DUSP14: variants seen among roughly 807,000 people sequenced by gnomAD.
DUSP14 encodes dual specificity phosphatase 14.
A neutral mutation model predicts 13.2 loss-of-function variants in DUSP14; 5 were observed. The observed-to-expected ratio is 0.38, with a 90% CI of 0.20 to 0.80. The LOEUF is 0.80. DUSP14 is among the 30% of genes least tolerant of loss of function. The pLI is 0.44. For missense variants in DUSP14, 185 were observed against 264.0 expected, an observed-to-expected ratio of 0.70 and a Z score of 2.07; for synonymous variants, 91 against 103.4, an observed-to-expected ratio of 0.88 and a Z score of 0.73.
chr17:37,500,465 T>C (rs2054097724), intron 1 of DUSP14, among the ~76,000 whole-genome samples: 1 of 152,220 alleles, frequency 6.6e-6, no homozygotes, highest in Non-Finnish European at 1.5e-5. Flanking sequence ...ACTGAAATCT[T>C]ATTTATGAAA....
intron 1 of DUSP14, among the ~76,000 whole-genome samples, chr17:37,494,078 C>T (rs1310552766): frequency 6.6e-6 from 1 of 151,402 alleles, no homozygotes; most frequent in Non-Finnish European, 1.5e-5. Context: ...ACTGCAAGCT[C>T]CGCCTCCCAG....
Position 37,513,180 on chromosome 17 carries a change from G to A in DUSP14, c.*311G>A, listed in dbSNP as rs903072680. 5.8e-6 allele frequency: 2 copies of A among 346,376 alleles called. No homozygotes were observed. Among genetic ancestry groups the A allele is most frequent in the Non-Finnish European group, 1.1e-5 (2 of 181,500 alleles). The allele number at this position is 346,376 out of a possible 1,614,324, so 21.5% of individuals were successfully genotyped here. The stretch of plus-strand genomic sequence containing the variant: ...CTCTCTTCTGAATCTCATGCCTTTG[G>A]CACCTTGGTAGGTGCAGGAGGAGCT... On this transcript the variant is annotated 3_prime_UTR_variant, in exon 3 of 3. Transcript: ENST00000617516.
At chr17:37,503,513 A>G (rs1226695610) in intron 1 of DUSP14, among the ~76,000 whole-genome samples, 1 of 152,250 alleles carries the variant, frequency 6.6e-6, no homozygotes, top group Non-Finnish European at 1.5e-5. Context: ...TACATTCTGC[A>G]GCAGTTGGAA....
At chr17:37,489,772 C>G (rs1407924437), upstream of DUSP14, 1 of 148,352 alleles carries the variant, frequency 6.7e-6, no homozygotes, top group Non-Finnish European at 1.5e-5. Context: ...GCGCGTCCCC[C>G]CGCCCCGCGT....
rs766077093 is a variant in DUSP14, at chr17:37,512,356, T to C, written c.84T>C (p.Ala28=). Residue 28 remains alanine (A), a synonymous_variant, in exon 3 of 3, where the codon GCT becomes GCC. Coordinates refer to ENST00000617516, the MANE Select transcript of DUSP14 (RefSeq NM_007026.4). This position sits in a 1 kb window ranked among gnomAD's most constrained non-coding sequence, Gnocchi z 4.8. ...MISEGDIGGI[A]QITSSLFLGR... ...CCGAGGGAGACATAGGAGGCATTGC[T>C]CAAATCACCTCCTCTCTATTCCTGG... is the stretch of plus-strand genomic sequence containing the variant. The C allele has an allele frequency of 1.2e-6, 2 of 1,614,094 alleles. No homozygotes were observed. Among genetic ancestry groups the C allele is most frequent in the South Asian group, 2.2e-5 (2 of 91,076 alleles).
intron 1 of DUSP14, among the ~76,000 whole-genome samples, chr17:37,505,926 G>A (rs1004032811): frequency 2.6e-5 from 4 of 152,114 alleles, no homozygotes; most frequent in Non-Finnish European, 5.9e-5. Flanking sequence ...AGTGTTCGAT[G>A]CTTATTATCC....
At chr17:37,495,519 T>A (rs746359213) in intron 1 of DUSP14, among the ~76,000 whole-genome samples, 18 of 152,302 alleles carry the variant, frequency 1.2e-4, no homozygotes, top group Admixed American at 4.6e-4. Flanking sequence ...TGTGGGTACA[T>A]ATGAGAAAAC....
intron 1 of DUSP14, among the ~76,000 whole-genome samples, chr17:37,509,587 G>A (rs950862539): frequency 2.6e-5 from 4 of 151,892 alleles, no homozygotes; most frequent in African/African-American, 9.7e-5. Flanking sequence ...CTCCCAAAGT[G>A]TTGGGATTAC....
chr17:37,496,975 C>T (rs11868768), intron 1 of DUSP14, among the ~76,000 whole-genome samples: 1,894 of 149,862 alleles, frequency 0.013, 47 homozygotes, highest in African/African-American at 0.044. Flanking sequence ...AGCATCATAA[C>T]TCACCATTCA....
chr17:37,489,306 G>A (rs2054008697), upstream of DUSP14, among the ~76,000 whole-genome samples: 5 of 152,064 alleles, frequency 3.3e-5, 1 homozygote, highest in Admixed American at 3.3e-4. Flanking sequence ...GCGCACGGAG[G>A]TTGCATGTTC....
intron 1 of DUSP14, among the ~76,000 whole-genome samples, chr17:37,509,084 GA>G: frequency 3.8e-5 from 1 of 26,194 alleles, no homozygotes; most frequent in Non-Finnish European, 5.7e-5. Flanking sequence ...AAAGAAGCCA[GA>G]CCAAAAAAAA....
chr17:37,505,049 G>A (rs1338899727), intron 1 of DUSP14, among the ~76,000 whole-genome samples: 1 of 152,152 alleles, frequency 6.6e-6, no homozygotes, highest in Non-Finnish European at 1.5e-5. Flanking sequence ...ACACCACTAT[G>A]CCTGGCTGAT....
rs117023903 is a variant in DUSP14, at chr17:37,507,900, G to T, written c.-180-2777G>T. Among the ~76,000 whole-genome samples the T allele has an allele frequency of 5.9e-5, 9 of 152,356 alleles. No individual in the cohort carries two copies. The East Asian group carries it at 1.3e-3, about 23-fold the overall frequency. On this transcript the variant is annotated intron_variant, in intron 1 of 2. Coordinates refer to ENST00000617516, the MANE Select transcript of DUSP14 (RefSeq NM_007026.4). Reference sequence around the variant, plus strand: ...TTGCTTTTTAAACCAGTAGGATTCTGCCAGGGAAGACTTGGAAGTGGCAGG... The same window carrying T: ...TTGCTTTTTAAACCAGTAGGATTCTTCCAGGGAAGACTTGGAAGTGGCAGG...
chr17:37,512,833 G>A lies in DUSP14; in HGVS notation c.561G>A (p.Lys187=), dbSNP rs1335629788. 6.2e-7 allele frequency: 1 copy of A among 1,609,964 alleles called. No individual in the cohort carries two copies. The highest frequency in any genetic ancestry group is 2.2e-5 in the East Asian group (1 of 44,738). The stretch of plus-strand genomic sequence containing the variant: ...GCATAGTTCCCGACGTCTATGAGAA[G>A]GAGTCCCGACACCTGATGCCTTACT... ...PYGIVPDVYE[K]ESRHLMPYWG... is the part of the protein sequence containing the mutation. The change falls in exon 3 of 3, where the codon AAG becomes AAA. Residue 187 remains lysine, a synonymous_variant. Coordinates refer to ENST00000617516, the MANE Select transcript of DUSP14 (RefSeq NM_007026.4). The surrounding 1 kb of genome is among the most constrained non-coding windows in gnomAD (Gnocchi z 4.8).
At chr17:37,493,289 C>G (rs2054041442) in intron 1 of DUSP14, among the ~76,000 whole-genome samples, 1 of 152,138 alleles carries the variant, frequency 6.6e-6, no homozygotes, top group Non-Finnish European at 1.5e-5. Context: ...GTCTTATGAA[C>G]ATACCACAAA....
intron 1 of DUSP14, among the ~76,000 whole-genome samples, chr17:37,494,536 C>G (rs2054050967): frequency 6.6e-6 from 1 of 152,116 alleles, no homozygotes; most frequent in Non-Finnish European, 1.5e-5. Context: ...CAGACAGTTA[C>G]CAGGCTCACT....
chr17:37,497,742 C>CAA (rs71368456), intron 1 of DUSP14, among the ~76,000 whole-genome samples: 6 of 127,748 alleles, frequency 4.7e-5, no homozygotes, highest in Non-Finnish European at 6.7e-5. Context: ...GATTCTTGCT[C>CAA]AAAAAAAAAA....
intron 1 of DUSP14, among the ~76,000 whole-genome samples, chr17:37,498,412 C>T (rs1458882632): frequency 2.0e-5 from 3 of 148,778 alleles, no homozygotes; most frequent in Non-Finnish European, 3.0e-5. Context: ...CTGCAAGCTC[C>T]GCCTCCCCGG....
At chr17:37,496,022 A>T (rs1159051408) in intron 1 of DUSP14, among the ~76,000 whole-genome samples, 1 of 152,218 alleles carries the variant, frequency 6.6e-6, no homozygotes, top group African/African-American at 2.4e-5. Context: ...CATACAAATT[A>T]CATACAAATT....
Sources: gnomAD v4.1 joint callset for allele counts (sites outside exome capture counted in the v4.1 genomes callset) on GRCh38, gnomAD v4.1.1 for gene constraint, Gnocchi (gnomAD v3.1) non-coding constraint, MANE v1.5 for transcripts, NCBI Gene and HGNC (gene_info 2026-07-23, HGNC 2026-07-21) for gene names.